The following ELP4 variants were observed in gnomAD, a reference collection of about 807,000 sequenced individuals.
ELP4 encodes elongator complex protein 4.
In ELP4, 51 loss-of-function variants were observed where a neutral mutation model predicts 48.9. The observed-to-expected ratio is 1.04, with a 90% CI of 0.83 to 1.32. The LOEUF is 1.32. Ranked by LOEUF, ELP4 falls within the 40% of genes most tolerant of loss-of-function variation. ELP4 has a pLI of 0.00. For missense variants in ELP4, 519 were observed against 514.6 expected (o/e 1.01, Z -0.08); for synonymous variants, 210 against 189.2 (o/e 1.11, Z -0.90).
At chr11:31,689,222 C>T (rs1219684183) in intron 9 of ELP4, 2 of 152,200 alleles carry the variant, frequency 1.3e-5, no homozygotes, top group East Asian at 3.9e-4. Flanking sequence ...GAGAGGATCA[C>T]TTGAGGCCAG....
At chr11:31,521,286 GTT>G (rs534201806) in intron 2 of ELP4, among the ~76,000 whole-genome samples, 3 of 143,428 alleles carry the variant, frequency 2.1e-5, no homozygotes, top group Admixed American at 7.0e-5. Context: ...AGTGCATTAT[GTT>G]TTTTTTTTTT....
chr11:31,545,098 T>C (rs964538555), intron 3 of ELP4, among the ~76,000 whole-genome samples: 8 of 152,244 alleles, frequency 5.3e-5, no homozygotes, highest in Middle Eastern at 6.8e-3. Flanking sequence ...CTCAAAAGGA[T>C]TGCAGTTCCT....
rs573678119 is a variant in ELP4, at chr11:31,545,984, G to T, written c.381+6201G>T. 3.2e-4 allele frequency among the ~76,000 whole-genome samples: 49 copies of T among 152,090 alleles called. 1 individual carries two copies. Among genetic ancestry groups the T allele is most frequent in the African/African-American group, 1.2e-3 (49 of 41,478 alleles). ...TGCCCTAAAAGAGCTGCTGAAGGAA[G>T]CACTAAACATGGAAAGGAACAACCG... On this transcript the variant is annotated intron_variant, in intron 3 of 9. Coordinates refer to ENST00000640961, the MANE Select transcript of ELP4 (RefSeq NM_019040.5).
chr11:31,673,987 C>T (rs1945863727), intron 9 of ELP4, among the ~76,000 whole-genome samples: 1 of 152,156 alleles, frequency 6.6e-6, no homozygotes, highest in Non-Finnish European at 1.5e-5. Context: ...GAACTGCTTG[C>T]TTGTTAAGAT....
intron 2 of ELP4, among the ~76,000 whole-genome samples, chr11:31,521,165 G>A (rs1364624443): frequency 1.3e-5 from 2 of 151,972 alleles, no homozygotes; most frequent in Non-Finnish European, 2.9e-5. Context: ...AAAGGAAAAC[G>A]TTATATAGAA....
Position 31,632,409 on chromosome 11 carries a change from C to A in ELP4, c.927+4C>A, listed in dbSNP as rs4922872. 1 allele frequency: 1,592,227 copies of A among 1,596,096 alleles called. 794,256 individuals carry two copies. The highest frequency in any genetic ancestry group is 1 in the East Asian group (44,664 of 44,664). On this transcript the variant is annotated splice_donor_region_variant and intron_variant, in intron 7 of 9. Transcript: ENST00000640961. ...AATGCCAACACATCTGATCCAGGTA[C>A]GAAATTTCCAGAACTACTTTTTCAT...
At chr11:31,702,314 A>G (rs996295514) in intron 9 of ELP4, among the ~76,000 whole-genome samples, 5 of 46,232 alleles carry the variant, frequency 1.1e-4, no homozygotes, top group Admixed American at 6.9e-4. Flanking sequence ...AAAAATAATA[A>G]TAATAACAAT....
chr11:31,757,920 T>C (rs1947865045), intron 9 of ELP4, among the ~76,000 whole-genome samples: 1 of 152,228 alleles, frequency 6.6e-6, no homozygotes, highest in South Asian at 2.1e-4. Flanking sequence ...TTACAAAATA[T>C]ACTTAACATT....
At chr11:31,639,577 G>A (rs1420192188) in intron 7 of ELP4, among the ~76,000 whole-genome samples, 3 of 151,860 alleles carry the variant, frequency 2.0e-5, no homozygotes, top group African/African-American at 7.2e-5. Context: ...AAGGATGATT[G>A]AAACTTTTTA....
In ELP4 at chr11:31,784,988, C is replaced by T. The variant is rs549791945; in HGVS notation, c.*1464C>T. ...TTCTTATTCTATTTTTTTAGAATGTCGGGTTTATTTTTTTCATTTCTTTTA... is the reference window on the plus strand; with the variant it reads ...TTCTTATTCTATTTTTTTAGAATGTTGGGTTTATTTTTTTCATTTCTTTTA... On this transcript the variant is annotated 3_prime_UTR_variant, in exon 10 of 10. Transcript: ENST00000640961. The T allele has an allele frequency of 2.8e-5, 5 of 180,132 alleles. No individual in the cohort carries two copies. Among genetic ancestry groups the T allele is most frequent in the East Asian group, 1.8e-4 (2 of 10,980 alleles). The allele number at this position is 180,132 out of a possible 1,614,324, so 11.2% of individuals were successfully genotyped here.
chr11:31,550,506 A>T (rs1338961471), intron 3 of ELP4, among the ~76,000 whole-genome samples: 1 of 152,204 alleles, frequency 6.6e-6, no homozygotes, highest in Non-Finnish European at 1.5e-5. Flanking sequence ...GTCCATTCTT[A>T]AAGAACTGAG....
intron 3 of ELP4, among the ~76,000 whole-genome samples, chr11:31,579,728 TGA>T (rs1957354849): frequency 7.2e-6 from 1 of 138,494 alleles, no homozygotes; most frequent in South Asian, 2.3e-4. Context: ...AGGTGGGAAT[TGA>T]ACAGTGAGAA....
chr11:31,624,930 A>G (rs536883461), intron 5 of ELP4, among the ~76,000 whole-genome samples: 1 of 151,690 alleles, frequency 6.6e-6, no homozygotes, highest in Admixed American at 6.6e-5. Context: ...CAGGGACAGT[A>G]ACACACATAT....
intron 3 of ELP4, among the ~76,000 whole-genome samples, chr11:31,563,609 CTGT>C (rs1342551940): frequency 2.6e-5 from 4 of 151,978 alleles, no homozygotes; most frequent in Non-Finnish European, 5.9e-5. Flanking sequence ...AGGAGAAAAA[CTGT>C]TGTTTTGTTG....
At chr11:31,620,762 T>G (rs1384318169) in intron 5 of ELP4, among the ~76,000 whole-genome samples, 1 of 151,952 alleles carries the variant, frequency 6.6e-6, no homozygotes, top group East Asian at 1.9e-4. Context: ...CTTAATAGTA[T>G]CCCTGTCAGA....
At chr11:31,540,685 T>C (rs1181752914) in intron 3 of ELP4, among the ~76,000 whole-genome samples, 3 of 152,200 alleles carry the variant, frequency 2.0e-5, no homozygotes, top group African/African-American at 7.2e-5. Context: ...TTCATACATA[T>C]AAAAATTATT....
intron 1 of ELP4, among the ~76,000 whole-genome samples, chr11:31,514,085 G>T (rs548265749): frequency 6.6e-6 from 1 of 152,186 alleles, no homozygotes. Flanking sequence ...ATTCTTTTGT[G>T]TACATAAAGT....
intron 9 of ELP4, among the ~76,000 whole-genome samples, chr11:31,761,345 A>G (rs1947941542): frequency 6.6e-6 from 1 of 152,120 alleles, no homozygotes; most frequent in Non-Finnish European, 1.5e-5. Context: ...CTCAAAAAAA[A>G]AAAAAAGCCA....
At chr11:31,558,954 G>T (rs926619385) in intron 3 of ELP4, among the ~76,000 whole-genome samples, 2 of 151,968 alleles carry the variant, frequency 1.3e-5, no homozygotes, top group African/African-American at 2.4e-5. Flanking sequence ...CAGAAGAAAA[G>T]ATATTCAATC....
Sources: allele counts gnomAD v4.1 joint callset (sites outside exome capture counted in the v4.1 genomes callset), GRCh38; gene constraint gnomAD v4.1.1; transcripts MANE v1.5; gene names NCBI Gene and HGNC (gene_info 2026-07-23, HGNC 2026-07-21).